SPRED2: variants seen among roughly 807,000 people sequenced by gnomAD.
SPRED2 encodes sprouty related EVH1 domain containing 2.
Under a neutral mutation model 43.0 loss-of-function variants are expected in SPRED2, and 47 were observed. The ratio of observed to expected loss-of-function variants is 1.09; its 90% CI spans 0.87 to 1.40. The LOEUF is 1.40. Ranked by LOEUF, SPRED2 falls within the 40% of genes most tolerant of loss-of-function variation. The pLI is 0.00. For synonymous variants in SPRED2, 225 were observed against 225.7 expected, an observed-to-expected ratio of 1.00 and a Z score of 0.03; for missense variants, 561 against 586.4, an observed-to-expected ratio of 0.96 and a Z score of 0.45.
At chr2:65,414,962 A>T (rs1044436336) in intron 1 of SPRED2, among the ~76,000 whole-genome samples, 3 of 152,022 alleles carry the variant, frequency 2.0e-5, no homozygotes, top group African/African-American at 4.8e-5. Flanking sequence ...CGTTTAAAAA[A>T]ATTTTTTTTT....
intron 1 of SPRED2, among the ~76,000 whole-genome samples, chr2:65,360,079 CAAAAAAAAACAAAAAAAAAACAAAAA>C: frequency 1.1e-5 from 1 of 93,698 alleles, no homozygotes; most frequent in Non-Finnish European, 2.0e-5. Context: ...AAAAAAAAAA[CAAAAAAAAACAAAAAAAAAACAAAAA>C]AAAAAAAAAC....
At chr2:65,338,842 TG>T (rs1473795866) in intron 2 of SPRED2, among the ~76,000 whole-genome samples, 4 of 149,142 alleles carry the variant, frequency 2.7e-5, no homozygotes, top group African/African-American at 1.0e-4. Context: ...CCATCCCACC[TG>T]GGAAGTGAGG....
At chr2:65,318,887 A>T (rs756206397) in intron 4 of SPRED2, among the ~76,000 whole-genome samples, 2 of 152,004 alleles carry the variant, frequency 1.3e-5, no homozygotes, top group African/African-American at 4.8e-5. Context: ...GGCTCAAGTG[A>T]TCCTCCTGCT....
intron 1 of SPRED2, among the ~76,000 whole-genome samples, chr2:65,429,353 C>T (rs1370783726): frequency 6.6e-6 from 1 of 152,136 alleles, no homozygotes; most frequent in Non-Finnish European, 1.5e-5. Flanking sequence ...GCAAACCCTG[C>T]CTGGTTCCAA....
chr2:65,346,214 A>G (rs1218978927), intron 1 of SPRED2, among the ~76,000 whole-genome samples: 2 of 152,074 alleles, frequency 1.3e-5, no homozygotes, highest in Admixed American at 6.5e-5. Flanking sequence ...CAGATTTTCT[A>G]TGACCCCCTA....
intron 1 of SPRED2, among the ~76,000 whole-genome samples, chr2:65,354,551 T>C (rs1674593258): frequency 7.5e-6 from 1 of 133,022 alleles, no homozygotes; most frequent in Admixed American, 8.0e-5. Context: ...AGTGCTCTCA[T>C]GAAAAAAAAA....
Position 65,312,927 on chromosome 2 carries a change from T to G in SPRED2, c.*574A>C. Reference sequence around the variant, plus strand: ...TAGAAAAGTTAAAGCGATATTGTTTTGTGGTACAAGTTTGTTAACTAGCTC... The same window carrying G: ...TAGAAAAGTTAAAGCGATATTGTTTGGTGGTACAAGTTTGTTAACTAGCTC... On this transcript the variant is annotated 3_prime_UTR_variant, in exon 6 of 6. Transcript: ENST00000356388. 1 of 985,870 alleles carries G rather than the reference T, an allele frequency of 1.0e-6. No individual in the cohort carries two copies. Among genetic ancestry groups the G allele is most frequent in the Non-Finnish European group, 1.2e-6 (1 of 829,974 alleles). 61.1% of individuals were successfully genotyped at this position (985,870 alleles called of 1,614,324 possible). A position where few individuals can be genotyped will look rare whatever the true frequency, so the allele number is the denominator to read the frequency against.
chr2:65,377,616 C>T (rs1329136820), intron 1 of SPRED2: 2 of 471,274 alleles, frequency 4.2e-6, no homozygotes, highest in South Asian at 3.1e-5. Context: ...AACTCACCCC[C>T]TCCTTTCCTG....
chr2:65,315,167 C>G (rs1469542279), intron 5 of SPRED2, among the ~76,000 whole-genome samples: 1 of 152,240 alleles, frequency 6.6e-6, no homozygotes, highest in African/African-American at 2.4e-5. Flanking sequence ...AGACTTCTTG[C>G]TTTCGAAGTC....
chr2:65,315,712 G>A lies in SPRED2; in HGVS notation c.588+1022C>T, dbSNP rs1038269505. ...TGGAGTCTTGCTCTGTTGCGATGAC[G>A]CAATGGCGCAATCTTGGCTCACTGC... On this transcript the variant is annotated intron_variant, in intron 5 of 5. Transcript: ENST00000356388. Among the ~76,000 whole-genome samples the A allele has an allele frequency of 4.6e-5, 7 of 152,228 alleles. No individual in the cohort carries two copies. The East Asian group carries it at 1.2e-3, about 25-fold the overall frequency.
chr2:65,367,480 AT>A (rs1056339276), intron 1 of SPRED2, among the ~76,000 whole-genome samples: 16 of 147,878 alleles, frequency 1.1e-4, no homozygotes, highest in Middle Eastern at 3.7e-3. Flanking sequence ...ATTAAAAAAA[AT>A]TTTTTTTTCA....
At chr2:65,392,964 C>G (rs569405440) in intron 1 of SPRED2, among the ~76,000 whole-genome samples, 1 of 152,256 alleles carries the variant, frequency 6.6e-6, no homozygotes, top group South Asian at 2.1e-4. Flanking sequence ...GAGATTCTAC[C>G]TGCTACTCAA....
Position 65,311,376 on chromosome 2 carries a change from A to G in SPRED2, c.*2125T>C. On this transcript the variant is annotated 3_prime_UTR_variant, in exon 6 of 6. Coordinates refer to ENST00000356388, the MANE Select transcript of SPRED2 (RefSeq NM_181784.3). ...AGCGTAACTCTTAAAAGGGTGGAAA[A>G]GGACAAGGGGTGAAAGAAGAGAGAA... is the stretch of plus-strand genomic sequence containing the variant. 1.0e-6 allele frequency: 1 copy of G among 985,898 alleles called. No individual in the cohort carries two copies. The highest frequency in any genetic ancestry group is 1.2e-6 in the Non-Finnish European group (1 of 829,948). The allele number at this position is 985,898 out of a possible 1,614,324, so 61.1% of individuals were successfully genotyped here.
intron 1 of SPRED2, among the ~76,000 whole-genome samples, chr2:65,409,185 T>C (rs1676096039): frequency 2.0e-5 from 3 of 152,184 alleles, no homozygotes; most frequent in Admixed American, 2.0e-4. Flanking sequence ...CAAAGGGAAA[T>C]TCACACCCAG....
At chr2:65,334,582 G>A in intron 3 of SPRED2, 23 bp downstream of exon 3, 2 of 1,610,490 alleles carry the variant, frequency 1.2e-6, no homozygotes, top group South Asian at 2.2e-5. Flanking sequence ...GTCCCACTAA[G>A]AATGCAGCGA....
At chr2:65,330,972 T>C (rs1673794856) in intron 4 of SPRED2, among the ~76,000 whole-genome samples, 2 of 141,226 alleles carry the variant, frequency 1.4e-5, no homozygotes, top group African/African-American at 2.6e-5. Context: ...AGTTTTATAA[T>C]AAAAAATGGA....
rs1668906705 is a variant in SPRED2, at chr2:65,432,376, G to T, written c.-389C>A. Among the ~76,000 whole-genome samples, 2 of 148,580 alleles carry T rather than the reference G, an allele frequency of 1.3e-5. No individual in the cohort carries two copies. Among genetic ancestry groups the T allele is most frequent in the Non-Finnish European group, 3.0e-5 (2 of 67,086 alleles). On this transcript the variant is annotated 5_prime_UTR_variant, in exon 1 of 6. Transcript: ENST00000356388. The stretch of plus-strand genomic sequence containing the variant: ...GAGAGCGCCGGCCGCGGGTGGGGGG[G>T]CTCAGTCCGGGGTCGCCCCCGGGGG...
chr2:65,340,228 G>C (rs1368737618), intron 2 of SPRED2, among the ~76,000 whole-genome samples: 1 of 152,168 alleles, frequency 6.6e-6, no homozygotes, highest in African/African-American at 2.4e-5. Context: ...CTGAGGTCCT[G>C]AATAAAATTT....
downstream of SPRED2, among the ~76,000 whole-genome samples, chr2:65,307,957 C>T (rs952672438): frequency 5.9e-5 from 9 of 152,174 alleles, no homozygotes; most frequent in Admixed American, 1.3e-4. Flanking sequence ...CCCGCCCCCC[C>T]CATTCACACA....
Sources: allele counts gnomAD v4.1 joint callset (sites outside exome capture counted in the v4.1 genomes callset), GRCh38; gene constraint gnomAD v4.1.1; transcripts MANE v1.5; gene names NCBI Gene and HGNC (gene_info 2026-07-23, HGNC 2026-07-21).